The following PIP4P2 variants were observed in gnomAD, a reference collection of about 807,000 sequenced individuals.
PIP4P2 encodes the protein type 2 phosphatidylinositol 4,5-bisphosphate 4-phosphatase.
Under a neutral mutation model 33.3 loss-of-function variants are expected in PIP4P2, and 19 were observed. That is an observed-to-expected ratio of 0.57 (90% confidence interval 0.40 to 0.84). The LOEUF (loss-of-function observed/expected upper bound fraction) is 0.84, where lower values mean the gene tolerates loss of function less well. Ranked by LOEUF, PIP4P2 falls within the 40% of genes least tolerant of loss-of-function variation. The pLI, the probability that PIP4P2 is intolerant of heterozygous loss-of-function variation, is 0.00. For synonymous variants in PIP4P2, 110 were observed against 111.9 expected, an observed-to-expected ratio of 0.98 and a Z score of 0.11; for missense variants, 270 against 324.7, an observed-to-expected ratio of 0.83 and a Z score of 1.29.
intron 1 of PIP4P2, among the ~76,000 whole-genome samples, chr8:91,027,386 C>T (rs1230805969): frequency 6.6e-6 from 1 of 152,172 alleles, no homozygotes; most frequent in African/African-American, 2.4e-5. Context: ...TCTGTAATGC[C>T]CTTGCCTGAG....
intron 6 of PIP4P2, 53 bp from the exon 7 acceptor site, chr8:90,995,873 T>C (rs1171793509): frequency 1.3e-6 from 2 of 1,527,242 alleles, no homozygotes; most frequent in African/African-American, 2.8e-5. Flanking sequence ...AAAAAATATC[T>C]GCTTAGGGAA....
chr8:91,040,649 G>A lies in PIP4P2; in HGVS notation c.101C>T (p.Pro34Leu), dbSNP rs1452881541. The change falls in exon 1 of 7, where the codon CCC becomes CTC. Residue 34 changes from proline (P) to leucine (L), a missense_variant. Physicochemically the swap from Pro to Leu is moderately conservative, Grantham distance 98. Transcript: ENST00000285419. ...GGGATCTACGCTGGCCTTACCTCTG[G>A]GGCTGCTTTCTTGCAAGTACGGTGG... ...TAPPYLQESS[P>L]RAELPPPYTA... is the part of the protein sequence containing the mutation. 6.2e-7 allele frequency: 1 copy of A among 1,613,596 alleles called. No homozygotes were observed. The highest frequency in any genetic ancestry group is 1.3e-5 in the African/African-American group (1 of 74,890).
intron 1 of PIP4P2, among the ~76,000 whole-genome samples, chr8:91,035,017 T>C (rs1043267364): frequency 6.6e-6 from 1 of 152,148 alleles, no homozygotes; most frequent in Non-Finnish European, 1.5e-5. Context: ...AAAATAAACC[T>C]ATTTACTGTA....
chr8:91,023,394 A>C (rs1284865634), intron 1 of PIP4P2, among the ~76,000 whole-genome samples: 1 of 101,364 alleles, frequency 9.9e-6, no homozygotes, highest in Non-Finnish European at 2.7e-5. Flanking sequence ...AGGAAGTGAC[A>C]TATTGCTACA....
chr8:91,039,156 C>T (rs181149195), intron 1 of PIP4P2, among the ~76,000 whole-genome samples: 1 of 152,254 alleles, frequency 6.6e-6, no homozygotes, highest in Admixed American at 6.5e-5. Context: ...AAAAGGCTGA[C>T]TTGATGAAGT....
intron 1 of PIP4P2, among the ~76,000 whole-genome samples, chr8:91,022,690 TAAA>T: frequency 6.6e-6 from 1 of 152,352 alleles, no homozygotes; most frequent in South Asian, 2.1e-4. Context: ...TGTGATATTT[TAAA>T]AAGAATTAGA....
chr8:91,010,184 G>C (rs138285250), intron 4 of PIP4P2, among the ~76,000 whole-genome samples: 19 of 151,990 alleles, frequency 1.3e-4, no homozygotes, highest in African/African-American at 3.4e-4. Context: ...TTAAGCAGTG[G>C]AAGAATATAG....
intron 1 of PIP4P2, among the ~76,000 whole-genome samples, chr8:91,040,238 A>C (rs893418020): frequency 3.9e-5 from 6 of 152,214 alleles, no homozygotes; most frequent in Admixed American, 3.9e-4. Flanking sequence ...CTGGTTTCTC[A>C]GCAACGGAAA....
rs770375890 is a variant in PIP4P2, at chr8:91,018,508, C to T, written c.368G>A (p.Arg123Gln). The T allele has an allele frequency of 2.2e-5, 36 of 1,612,770 alleles. No individual in the cohort carries two copies. The highest frequency in any genetic ancestry group is 2.5e-5 in the Non-Finnish European group (30 of 1,179,706). The stretch of plus-strand genomic sequence containing the variant: ...CATTACTGGGCCAAGGTTAATTATC[C>T]GTCTACTGTGAAAAGAGAAAGGAAA... ...RIGCPRPNCRRIINLGPVMLI... is the reference protein window; with the variant it reads ...RIGCPRPNCRQIINLGPVMLI... Residue 123 changes from arginine (R) to glutamine (Q), a missense_variant, in exon 4 of 7, where the codon CGG becomes CAG. By Grantham distance (43) the Arg-to-Gln change is conservative. Coordinates refer to ENST00000285419, the MANE Select transcript of PIP4P2 (RefSeq NM_018710.3).
intron 3 of PIP4P2, among the ~76,000 whole-genome samples, chr8:91,019,201 G>T (rs1288100947): frequency 6.6e-6 from 1 of 151,660 alleles, no homozygotes; most frequent in Non-Finnish European, 1.5e-5. Flanking sequence ...ATAATATACA[G>T]TGAGATACAC....
intron 3 of PIP4P2, among the ~76,000 whole-genome samples, chr8:91,019,230 T>G (rs985661787): frequency 4.6e-5 from 7 of 151,226 alleles, no homozygotes; most frequent in African/African-American, 1.7e-4. Flanking sequence ...CTAAAACACT[T>G]GCAGGTGAAG....
chr8:91,026,042 G>A (rs565311636), intron 1 of PIP4P2, among the ~76,000 whole-genome samples: 1 of 152,276 alleles, frequency 6.6e-6, no homozygotes, highest in African/African-American at 2.4e-5. Flanking sequence ...TCAGGTTACT[G>A]ACCCTCAGTT....
intron 3 of PIP4P2, among the ~76,000 whole-genome samples, chr8:91,019,564 CAA>C (rs200004748): frequency 1.8e-4 from 20 of 113,678 alleles, no homozygotes; most frequent in Admixed American, 1.9e-4. Context: ...GACTCTGTCT[CAA>C]AAAAAAAAAA....
chr8:91,034,201 T>G (rs867621702), intron 1 of PIP4P2, among the ~76,000 whole-genome samples: 1 of 152,188 alleles, frequency 6.6e-6, no homozygotes, highest in Non-Finnish European at 1.5e-5. Flanking sequence ...CACAGGAATG[T>G]AAGCTCTCCA....
intron 4 of PIP4P2, among the ~76,000 whole-genome samples, chr8:91,010,391 A>T (rs935450903): frequency 6.6e-6 from 1 of 151,920 alleles, no homozygotes; most frequent in Admixed American, 6.6e-5. Context: ...AGGCTAACAG[A>T]CTGACATAGG....
intron 5 of PIP4P2, among the ~76,000 whole-genome samples, chr8:90,999,884 A>G (rs980613422): frequency 6.6e-6 from 1 of 152,062 alleles, no homozygotes; most frequent in African/African-American, 2.4e-5. Flanking sequence ...AAGTTTTACT[A>G]GCAAGATTAG....
rs180804393 is a variant in PIP4P2 at position 91,012,794 on chromosome 8, A to C, written c.487-3999T>G. 3.1e-3 allele frequency among the ~76,000 whole-genome samples: 474 copies of C among 152,302 alleles called. 3 individuals carry two copies. The highest frequency in any genetic ancestry group is 0.011 in the African/African-American group (443 of 41,582). On this transcript the variant is annotated intron_variant, in intron 4 of 6. Transcript: ENST00000285419. ...GAAGTAAGTCTCTGGCTTGCACATT[A>C]CTTTAGTAATTTTCTTCTTGGGGAA...
intron 2 of PIP4P2, 90 bp from the exon 3 acceptor site, chr8:91,020,353 T>A: frequency 8.8e-7 from 1 of 1,130,154 alleles, no homozygotes; most frequent in Non-Finnish European, 1.3e-6. Context: ...AGGATTCCAT[T>A]AAAACTAATG....
In PIP4P2 at chr8:91,040,388, A is replaced by ACAACATCACCACCAC. The variant is rs1239746740; in HGVS notation, c.106+255_106+256insGTGGTGGTGATGTTG. 1.8e-3 allele frequency among the ~76,000 whole-genome samples: 271 copies of ACAACATCACCACCAC among 149,844 alleles called. 2 individuals carry two copies. The highest frequency in any genetic ancestry group is 6.5e-3 in the African/African-American group (263 of 40,746). On this transcript the variant is annotated intron_variant, in intron 1 of 6. Transcript: ENST00000285419. ...GTAAGAAGTGGTGAAATACACACACACACCATCACCACCACCACCACCACC... is the reference window on the plus strand; with the variant it reads ...GTAAGAAGTGGTGAAATACACACACACAACATCACCACCACCACCATCACCACCACCACCACCACC...
Sources: allele counts gnomAD v4.1 joint callset (sites outside exome capture counted in the v4.1 genomes callset), GRCh38; gene constraint gnomAD v4.1.1; transcripts MANE v1.5; gene names NCBI Gene and HGNC (gene_info 2026-07-23, HGNC 2026-07-21).